Variants in CACNA1C observed in about 807,000 individuals in gnomAD.
CACNA1C encodes voltage-dependent L-type calcium channel subunit alpha-1C.
In CACNA1C, 30 loss-of-function variants were observed where a neutral mutation model predicts 229.0. That is an observed-to-expected ratio of 0.13 (90% confidence interval 0.10 to 0.18). The LOEUF (loss-of-function observed/expected upper bound fraction) is 0.18. CACNA1C is among the 10% of genes least tolerant of loss of function. CACNA1C has a pLI of 1.00. For synonymous variants in CACNA1C, 1,114 were observed against 1,132.5 expected, an observed-to-expected ratio of 0.98 and a Z score of 0.33; for missense variants, 1,658 against 2,845.0, an observed-to-expected ratio of 0.58 and a Z score of 9.49.
chr12:2,591,491 A>G (rs1470805422), intron 18 of CACNA1C, among the ~76,000 whole-genome samples: 1 of 152,210 alleles, frequency 6.6e-6, no homozygotes, highest in Non-Finnish European at 1.5e-5. Flanking sequence ...AAAATCAGTC[A>G]TCAAGGTACT....
chr12:2,536,861 G>T (rs2099856938), intron 9 of CACNA1C, among the ~76,000 whole-genome samples: 1 of 152,058 alleles, frequency 6.6e-6, no homozygotes, highest in African/African-American at 2.4e-5. Flanking sequence ...CAAATGAAGG[G>T]CTGGCCTACA....
At chr12:2,591,237 C>G (rs1274705245) in intron 18 of CACNA1C, among the ~76,000 whole-genome samples, 2 of 151,824 alleles carry the variant, frequency 1.3e-5, no homozygotes, top group Non-Finnish European at 2.9e-5. Context: ...TTTGCAGTAC[C>G]TGGCTTTGTT....
intron 3 of CACNA1C, among the ~76,000 whole-genome samples, chr12:2,333,040 C>G (rs756079755): frequency 1.3e-5 from 2 of 152,074 alleles, no homozygotes; most frequent in African/African-American, 2.4e-5. Flanking sequence ...ACGAGCAGCC[C>G]CTTGGACATG....
At chr12:2,166,363 T>C (rs1247264879) in intron 3 of CACNA1C, among the ~76,000 whole-genome samples, 1 of 152,256 alleles carries the variant, frequency 6.6e-6, no homozygotes, top group Non-Finnish European at 1.5e-5. Flanking sequence ...CAGCATGTGC[T>C]CAGGTTAACT....
chr12:2,536,173 T>C (rs2099854652), intron 9 of CACNA1C, among the ~76,000 whole-genome samples: 1 of 152,164 alleles, frequency 6.6e-6, no homozygotes, highest in South Asian at 2.1e-4. Context: ...TCTGACCTGC[T>C]CTTCAGCAGC....
At chr12:2,071,123 C>CTT in intron 1 of CACNA1C, among the ~76,000 whole-genome samples, 1 of 45,602 alleles carries the variant, frequency 2.2e-5, no homozygotes, top group African/African-American at 9.2e-5. Context: ...TTCCCCTTCC[C>CTT]CCTTCCCGCT....
intron 13 of CACNA1C, among the ~76,000 whole-genome samples, chr12:2,580,346 G>A (rs1256098598): frequency 6.6e-6 from 1 of 152,216 alleles, no homozygotes. Context: ...GTCCCTTGGT[G>A]TGGAACCATT....
At chr12:2,540,587 G>A (rs1224598561) in intron 9 of CACNA1C, among the ~76,000 whole-genome samples, 1 of 152,178 alleles carries the variant, frequency 6.6e-6, no homozygotes, top group Non-Finnish European at 1.5e-5. Context: ...GTGATAGACA[G>A]CACACACAGG....
intron 3 of CACNA1C, among the ~76,000 whole-genome samples, chr12:2,345,017 T>A (rs2096969599): frequency 6.7e-6 from 1 of 149,088 alleles, no homozygotes; most frequent in Non-Finnish European, 1.5e-5. Flanking sequence ...TTTTTGGCCT[T>A]GAAATGAAGC....
At chr12:2,052,941 G>T (rs2052708647), upstream of CACNA1C, 2 of 975,762 alleles carry the variant, frequency 2.0e-6, no homozygotes, top group East Asian at 1.2e-4. Flanking sequence ...CGGGCGCGGC[G>T]GGGCTGGGCC....
intron 3 of CACNA1C, among the ~76,000 whole-genome samples, chr12:2,191,714 A>C (rs2097221391): frequency 6.6e-6 from 1 of 151,884 alleles, no homozygotes; most frequent in Non-Finnish European, 1.5e-5. Context: ...ACATGGTCTC[A>C]TACAGGCACA....
At position 2,348,743 on chromosome 12, in the gene CACNA1C, G is replaced by A. The variant is rs931894733; in HGVS notation, c.478-100233G>A. On this transcript the variant is annotated intron_variant, in intron 3 of 46. Transcript: ENST00000399655. This position sits in a 1 kb window ranked among gnomAD's most constrained non-coding sequence, Gnocchi z 4.7. ...GAGCTGGGAATGTCTCGGGGGAAAG[G>A]TTCCTTCCTCGGGAACTGGGTGGCA... Among the ~76,000 whole-genome samples the A allele has an allele frequency of 6.6e-6, 1 of 152,094 alleles. No individual in the cohort carries two copies. Among genetic ancestry groups the A allele is most frequent in the African/African-American group, 2.4e-5 (1 of 41,438 alleles).
intron 1 of CACNA1C, among the ~76,000 whole-genome samples, chr12:2,075,745 A>T (rs146794190): frequency 5.6e-4 from 85 of 152,304 alleles, no homozygotes; most frequent in African/African-American, 1.5e-3. Context: ...CCAACCTCAG[A>T]TGTAGAACAG....
intron 1 of CACNA1C, chr12:1,992,968 C>T: frequency 1.7e-6 from 1 of 601,394 alleles, no homozygotes; most frequent in Non-Finnish European, 2.9e-6. Flanking sequence ...GAACTTGCCT[C>T]ACCCAGCCCT....
At position 2,483,927 on chromosome 12, in the gene CACNA1C, C is replaced by T. The variant is rs111358107; in HGVS notation, c.758-2177C>T. 3.1e-3 allele frequency among the ~76,000 whole-genome samples: 465 copies of T among 152,282 alleles called. 1 individual carries two copies. Among genetic ancestry groups the T allele is most frequent in the African/African-American group, 0.01 (426 of 41,546 alleles). On this transcript the variant is annotated intron_variant, in intron 5 of 46. Transcript: ENST00000399655. ...GTGTCTGTGCAGCAATACTCACCAGCGCTCCAGGACAGCAGTAGCATTTAT... is the reference window on the plus strand; with the variant it reads ...GTGTCTGTGCAGCAATACTCACCAGTGCTCCAGGACAGCAGTAGCATTTAT...
intron 30 of CACNA1C, among the ~76,000 whole-genome samples, chr12:2,640,759 T>C (rs1347224166): frequency 1.3e-5 from 2 of 152,236 alleles, no homozygotes; most frequent in South Asian, 4.1e-4. Context: ...AGGCACAACT[T>C]CCTATAACTG....
At chr12:2,192,078 A>C (rs2097254628) in intron 3 of CACNA1C, among the ~76,000 whole-genome samples, 1 of 152,066 alleles carries the variant, frequency 6.6e-6, no homozygotes, top group Admixed American at 6.6e-5. Context: ...AGACACACAC[A>C]CACACATGCA....
intron 3 of CACNA1C, among the ~76,000 whole-genome samples, chr12:2,401,067 T>G (rs2098670613): frequency 6.6e-6 from 1 of 152,178 alleles, no homozygotes; most frequent in Non-Finnish European, 1.5e-5. Flanking sequence ...CTCCCTTCAG[T>G]CTCTCCCAGC....
At chr12:2,620,404 T>C (rs1286082145) in intron 29 of CACNA1C, among the ~76,000 whole-genome samples, 1 of 152,226 alleles carries the variant, frequency 6.6e-6, no homozygotes, top group African/African-American at 2.4e-5. Context: ...GTTGTTGCTA[T>C]GCGCTTAGTG....
Sources: allele counts gnomAD v4.1 joint callset (sites outside exome capture counted in the v4.1 genomes callset), GRCh38; gene constraint gnomAD v4.1.1; non-coding constraint Gnocchi (gnomAD v3.1); transcripts MANE v1.5; gene names NCBI Gene and HGNC (gene_info 2026-07-23, HGNC 2026-07-21).